The following CREB3L4 variants were observed in gnomAD, a reference collection of about 807,000 sequenced individuals.
CREB3L4 encodes cAMP responsive element binding protein 3 like 4.
A neutral mutation model predicts 37.0 loss-of-function variants in CREB3L4; 28 were observed. The ratio of observed to expected loss-of-function variants is 0.76; its 90% CI spans 0.56 to 1.04. CREB3L4 has a LOEUF of 1.04. Among genes scored for constraint, CREB3L4 ranks in the 50% least tolerant of loss-of-function variants. The probability of loss-of-function intolerance (pLI) is 0.00; values close to 1 mark genes in which losing one functional copy is unlikely to be tolerated. For synonymous variants in CREB3L4, 175 were observed against 192.2 expected, an observed-to-expected ratio of 0.91 and a Z score of 0.74; for missense variants, 462 against 486.0, an observed-to-expected ratio of 0.95 and a Z score of 0.46.
chr1:153,969,361 C>G lies in CREB3L4; in HGVS notation c.449C>G (p.Pro150Arg). 1.2e-6 allele frequency: 2 copies of G among 1,614,234 alleles called. No individual in the cohort carries two copies. Among genetic ancestry groups the G allele is most frequent in the Non-Finnish European group, 1.7e-6 (2 of 1,180,056 alleles). ...LDQWSPAFMV[P>R]DSCMVSELPF... Reference sequence around the variant, plus strand: ...CAGTGGAGCCCAGCATTTATGGTGCCTGATTCCTGCATGGTCAGTGAGCTG... The same window carrying G: ...CAGTGGAGCCCAGCATTTATGGTGCGTGATTCCTGCATGGTCAGTGAGCTG... Residue 150 changes from proline (P) to arginine (R), a missense_variant, in exon 4 of 10, where the codon CCT becomes CGT. Coordinates refer to ENST00000368607, the MANE Select transcript of CREB3L4 (RefSeq NM_001255978.2).
Position 153,972,813 on chromosome 1 carries a change from C to T in CREB3L4, c.613C>T (p.Pro205Ser). The T allele has an allele frequency of 1.2e-6, 2 of 1,613,838 alleles. No homozygotes were observed. The highest frequency in any genetic ancestry group is 8.5e-7 in the Non-Finnish European group (1 of 1,179,852). ...RLLGQEGVSL[P>S]SHLPLTKAEE... The stretch of plus-strand genomic sequence containing the variant: ...GCTGGGGCAGGAAGGGGTTTCCCTG[C>T]CCTCTCACCTGCCCCTCACCAAGGT... The change falls in exon 5 of 10, where the codon CCC (proline) becomes TCC (serine). Residue 205 changes from proline (P) to serine (S), a missense_variant. By Grantham distance (74) the Pro-to-Ser change is moderately conservative (BLOSUM62 -1). Transcript: ENST00000368607.
Position 153,968,569 on chromosome 1 carries a change from C to T in CREB3L4, c.44C>T (p.Pro15Leu), listed in dbSNP as rs374617097. The stretch of plus-strand genomic sequence containing the variant: ...GACCTGCTGGACGCGTGGCTGGAGC[C>T]CCCAGAGGATATCTTCTCGACAGGA... ...IPDLLDAWLEPPEDIFSTGSV... is the reference protein window; with the variant it reads ...IPDLLDAWLELPEDIFSTGSV... The change falls in exon 2 of 10, where the codon CCC becomes CTC. Residue 15 changes from proline to leucine, a missense_variant. Pro to Leu is a moderately conservative substitution (Grantham distance 98). Transcript: ENST00000368607. 3.2e-5 allele frequency: 51 copies of T among 1,614,078 alleles called. No individual in the cohort carries two copies. Among genetic ancestry groups the T allele is most frequent in the African/African-American group, 2.7e-4 (20 of 75,012 alleles).
At chr1:153,971,587 C>CTTTTTTTTTTTTTTTT (rs55930906) in intron 4 of CREB3L4, among the ~76,000 whole-genome samples, 22 of 107,498 alleles carry the variant, frequency 2.0e-4, no homozygotes, top group Middle Eastern at 0.011. Context: ...TTTTCTTTTT[C>CTTTTTTTTTTTTTTTT]TTTTTTTTTT....
intron 4 of CREB3L4, among the ~76,000 whole-genome samples, chr1:153,971,868 G>C (rs1648411896): frequency 6.6e-6 from 1 of 152,038 alleles, no homozygotes; most frequent in Admixed American, 6.6e-5. Flanking sequence ...TGTTGCCCAG[G>C]CTGGAGTGCA....
At chr1:153,970,880 G>A (rs991680530) in intron 4 of CREB3L4, among the ~76,000 whole-genome samples, 6 of 150,212 alleles carry the variant, frequency 4.0e-5, no homozygotes, top group Non-Finnish European at 5.9e-5. Flanking sequence ...GAGTAGCTGG[G>A]ACAACAAGTG....
rs773546792 is a variant in CREB3L4 at position 153,973,492 on chromosome 1, C to G, written c.897+28C>G. On this transcript the variant is annotated intron_variant, in intron 8 of 9. Transcript: ENST00000368607. The stretch of plus-strand genomic sequence containing the variant: ...ACCATTAGTCTATCTACTCCCATCT[C>G]CCCCCACACTTCTATCCTTATACCC... 1.9e-6 allele frequency: 3 copies of G among 1,595,460 alleles called. No homozygotes were observed. The African/African-American group carries it at 4.0e-5, about 21-fold the overall frequency.
At chr1:153,973,501 C>A in intron 8 of CREB3L4, 37 bp downstream of exon 8, 1 of 1,593,468 alleles carries the variant, frequency 6.3e-7, no homozygotes, top group Non-Finnish European at 8.6e-7. Flanking sequence ...TCCCCCCACA[C>A]TTCTATCCTT....
chr1:153,969,011 G>A lies in CREB3L4; in HGVS notation c.256G>A (p.Gly86Ser), dbSNP rs1571106344. The A allele has an allele frequency of 6.2e-7, 1 of 1,614,166 alleles. No homozygotes were observed. The highest frequency in any genetic ancestry group is 1.1e-5 in the South Asian group (1 of 91,076). The stretch of plus-strand genomic sequence containing the variant: ...GGTGTACTGCTCAGAAGCATCTCCT[G>A]GCAGTGACAGTGGCATCTCTGAGGA... ...NEVYCSEASP[G>S]SDSGISEDPC... is the part of the protein sequence containing the mutation. Residue 86 changes from glycine to serine, a missense_variant, in exon 3 of 10, where the codon GGC (glycine) becomes AGC (serine). By Grantham distance (56) the Gly-to-Ser change is moderately conservative. Transcript: ENST00000368607.
chr1:153,968,719 GT>G lies in CREB3L4; in HGVS notation c.174+21del, dbSNP rs535235322. On this transcript the variant is annotated intron_variant, in intron 2 of 9. Transcript: ENST00000368607. ...GGCTGTGTGAGTGTGACGAGTGGGA[GT>G]GGGGGTGGGGTTGAGACACAACTCT... 29 of 1,613,404 alleles carry G rather than the reference GT, an allele frequency of 1.8e-5. No individual in the cohort carries two copies. Among genetic ancestry groups the G allele is most frequent in the Non-Finnish European group, 2.5e-5 (29 of 1,179,782 alleles).
chr1:153,968,344 T>G, intron 1 of CREB3L4, 178 bp from the exon 2 acceptor site: 1 of 559,036 alleles, frequency 1.8e-6, no homozygotes. Context: ...TGTCTAAACC[T>G]GAGGGATAGG....
intron 4 of CREB3L4, among the ~76,000 whole-genome samples, chr1:153,970,043 C>T (rs1648204521): frequency 6.6e-6 from 1 of 151,908 alleles, no homozygotes; most frequent in African/African-American, 2.4e-5. Flanking sequence ...ATTCTCCTGC[C>T]TCAGCCTCCC....
In CREB3L4 at chr1:153,973,240, C is replaced by G; in HGVS notation, c.789C>G (p.Val263=). 1 of 1,614,014 alleles carries G rather than the reference C, an allele frequency of 6.2e-7. No individual in the cohort carries two copies. The highest frequency in any genetic ancestry group is 8.5e-7 in the Non-Finnish European group (1 of 1,180,016). ...AGAACCAAGAATTACAGAAAAAAGTCCAGGAGCTGGAGAGGCACAACATGT... is the reference window on the plus strand; with the variant it reads ...AGAACCAAGAATTACAGAAAAAAGTGCAGGAGCTGGAGAGGCACAACATGT... ...SAQNQELQKK[V]QELERHNISL... Residue 263 remains valine, a synonymous_variant, in exon 7 of 10, where the codon GTC becomes GTG. Coordinates refer to ENST00000368607, the MANE Select transcript of CREB3L4 (RefSeq NM_001255978.2).
chr1:153,969,250 C>G, intron 3 of CREB3L4, 74 bp downstream of exon 3: 1 of 1,613,962 alleles, frequency 6.2e-7, no homozygotes, highest in Non-Finnish European at 8.5e-7. Context: ...GGGGGTTTAC[C>G]CAACCTGTGC....
At chr1:153,968,356 C>A (rs1647963482) in intron 1 of CREB3L4, 166 bp from the exon 2 acceptor site, 3 of 587,418 alleles carry the variant, frequency 5.1e-6, no homozygotes, top group African/African-American at 2.3e-5. Context: ...AGGGATAGGG[C>A]TGAAGGTGAA....
rs1186000121 is a variant in CREB3L4, at chr1:153,971,570, GTTTTCT to G, written c.544-1157_544-1152del. 3.0e-3 allele frequency among the ~76,000 whole-genome samples: 397 copies of G among 133,452 alleles called. 1 individual carries two copies. The highest frequency in any genetic ancestry group is 8.8e-3 in the Middle Eastern group (2 of 228). The allele number at this position is 133,452 out of a possible 152,430, so 87.5% of individuals were successfully genotyped here. ...AGGCGTGAGCCACCTTGGCCACTCT[GTTTTCT>G]TTTTCTTTTTCTTTTTTTTTTTTTT... On this transcript the variant is annotated intron_variant, in intron 4 of 9. Transcript: ENST00000368607.
intron 4 of CREB3L4, among the ~76,000 whole-genome samples, chr1:153,971,646 A>T (rs1263397505): frequency 8.0e-6 from 1 of 124,606 alleles, no homozygotes; most frequent in South Asian, 2.4e-4. Flanking sequence ...CCTCATTTTC[A>T]GTGATTTTGA....
At position 153,968,588 on chromosome 1, in the gene CREB3L4, G is replaced by T. The variant is rs768461371; in HGVS notation, c.63G>T (p.Ser21=). 5 of 1,613,932 alleles carry T rather than the reference G, an allele frequency of 3.1e-6. No individual in the cohort carries two copies. In the African/African-American group the frequency reaches 4.0e-5, roughly 13 times the overall value. ...AWLEPPEDIF[S]TGSVLELGLH... is the part of the protein sequence containing the mutation. ...TGGAGCCCCCAGAGGATATCTTCTC[G>T]ACAGGATCCGTCCTGGAGCTGGGAC... The change falls in exon 2 of 10, where the codon TCG becomes TCT. Residue 21 remains serine, a synonymous_variant. Coordinates refer to ENST00000368607, the MANE Select transcript of CREB3L4 (RefSeq NM_001255978.2).
intron 1 of CREB3L4, 33 bp from the exon 2 acceptor site, chr1:153,968,489 C>T (rs1226887232): frequency 6.3e-7 from 1 of 1,598,630 alleles, no homozygotes; most frequent in South Asian, 1.1e-5. Context: ...CATTCCGTTT[C>T]TGCAACCCTC....
intron 4 of CREB3L4, among the ~76,000 whole-genome samples, chr1:153,971,088 C>T (rs1261994820): frequency 0.011 from 3 of 264 alleles, no homozygotes; most frequent in Admixed American, 0.059. Context: ...AGTCTGATGC[C>T]GGCCGGGCGC....
Sources: allele counts gnomAD v4.1 joint callset (sites outside exome capture counted in the v4.1 genomes callset), GRCh38; gene constraint gnomAD v4.1.1; transcripts MANE v1.5; gene names NCBI Gene and HGNC (gene_info 2026-07-23, HGNC 2026-07-21).